FLG: variants seen among roughly 807,000 people sequenced by gnomAD.
FLG encodes filaggrin.
Under a neutral mutation model 3.8 loss-of-function variants are expected in FLG, and 6 were observed. The ratio of observed to expected loss-of-function variants is 1.60; its 90% CI spans 0.87 to 3.15. FLG has a LOEUF of 3.15. FLG is among the 30% of genes most tolerant of loss of function. The pLI is 0.00. For synonymous variants in FLG, 2,551 were observed against 1,931.6 expected, an observed-to-expected ratio of 1.32 and a Z score of -8.41; for missense variants, 7,595 against 5,050.9, an observed-to-expected ratio of 1.50 and a Z score of -15.27.
chr1:152,322,230 G>C (rs1653002256), intron 1 of FLG, among the ~76,000 whole-genome samples: 1 of 151,020 alleles, frequency 6.6e-6, no homozygotes, highest in Non-Finnish European at 1.5e-5. Flanking sequence ...ACTATGTATA[G>C]TATCATCCTA....
In FLG at chr1:152,314,503, A is replaced by G; in HGVS notation, c.383T>C (p.Leu128Pro). Residue 128 changes from leucine to proline, a missense_variant, in exon 3 of 3, where the codon CTG (leucine) becomes CCG (proline). Transcript: ENST00000368799. ...CCCTTTTCTATTGTTTCTTCTTTCC[A>G]GACTTGAGGGTCTTTTTCTGTTTTC... ...NKENRKRPSSLERRNNRKGNK... is the reference protein window; with the variant it reads ...NKENRKRPSSPERRNNRKGNK... The G allele has an allele frequency of 6.2e-7, 1 of 1,611,668 alleles. No individual in the cohort carries two copies. Among genetic ancestry groups the G allele is most frequent in the Middle Eastern group, 1.7e-4 (1 of 6,052 alleles).
rs1168309689 is a variant in FLG, at chr1:152,309,097, T to A, written c.5789A>T (p.Asp1930Val). 1 of 1,613,794 alleles carries A rather than the reference T, an allele frequency of 6.2e-7. No individual in the cohort carries two copies. The highest frequency in any genetic ancestry group is 8.5e-7 in the Non-Finnish European group (1 of 1,179,932). The change falls in exon 3 of 3, where the codon GAC becomes GTC. Residue 1930 changes from aspartate to valine, a missense_variant. Coordinates refer to ENST00000368799, the MANE Select transcript of FLG (RefSeq NM_002016.2). ...QDSDSQGHSE[D>V]SERWSGSASR... The stretch of plus-strand genomic sequence containing the variant: ...AGCAGACCCAGACCACCTCTCAGAG[T>A]CTTCTGAGTGTCCCTGACTGTCACT...
Position 152,313,930 on chromosome 1 carries a change from C to T in FLG, c.956G>A (p.Arg319Lys). 2 of 1,614,156 alleles carry T rather than the reference C, an allele frequency of 1.2e-6. No individual in the cohort carries two copies. Among genetic ancestry groups the T allele is most frequent in the South Asian group, 1.1e-5 (1 of 91,080 alleles). Reference sequence around the variant, plus strand: ...CTCCCACGCAGATCCATGATGGTTTCTGGAAGCCGACCCAGAGTGCCTCTC... The same window carrying T: ...CTCCCACGCAGATCCATGATGGTTTTTGGAAGCCGACCCAGAGTGCCTCTC... ...DSERHSGSAS[R>K]NHHGSAWEQS... The change falls in exon 3 of 3, where the codon AGA (arginine) becomes AAA (lysine). Residue 319 changes from arginine (R) to lysine (K), a missense_variant. Physicochemically the swap from Arg to Lys is conservative, Grantham distance 26. Coordinates refer to ENST00000368799, the MANE Select transcript of FLG (RefSeq NM_002016.2).
rs1652387927 is a variant in FLG, at chr1:152,311,135, G to A, written c.3751C>T (p.Gln1251Ter). 2.5e-6 allele frequency: 4 copies of A among 1,613,918 alleles called. No individual in the cohort carries two copies. Among genetic ancestry groups the A allele is most frequent in the East Asian group, 2.2e-5 (1 of 44,816 alleles). Residue 1251 changes from glutamine to a stop codon, truncating the protein, a stop_gained, in exon 3 of 3, where the codon CAG becomes TAG. Coordinates refer to ENST00000368799, the MANE Select transcript of FLG (RefSeq NM_002016.2). LOFTEE classifies it low-confidence loss of function (END_TRUNC). ...CCCGATGATTGTTCCTGTCCCACCTGTGAGTGTCTAGAGCTGTCAGCCCAA... is the reference window on the plus strand; with the variant it reads ...CCCGATGATTGTTCCTGTCCCACCTATGAGTGTCTAGAGCTGTCAGCCCAA... ...ASWADSSRHS[Q>*]VGQEQSSGSR...
rs753041653 is a variant in FLG, at chr1:152,311,568, C to G, written c.3318G>C (p.Trp1106Cys). Residue 1106 changes from tryptophan (W) to cysteine (C), a missense_variant, in exon 3 of 3, where the codon TGG becomes TGC. Trp to Cys is a radical substitution (Grantham distance 215). Transcript: ENST00000368799. ...CTGAACGTCCAGACCTTCCCCCTGA[C>G]CAGTCACGTGCGGACTCTTGGTGGC... Reference protein sequence around the residue: ...QQSHQESARDWSGGRSGRSGS... With the variant: ...QQSHQESARDCSGGRSGRSGS... 7.4e-6 allele frequency: 12 copies of G among 1,614,056 alleles called. No individual in the cohort carries two copies. The highest frequency in any genetic ancestry group is 1.0e-5 in the Non-Finnish European group (12 of 1,180,010).
chr1:152,307,846 C>T lies in FLG; in HGVS notation c.7040G>A (p.Gly2347Glu), dbSNP rs1042544641. Residue 2347 changes from glycine to glutamate, a missense_variant, in exon 3 of 3, where the codon GGG becomes GAG. Coordinates refer to ENST00000368799, the MANE Select transcript of FLG (RefSeq NM_002016.2). ...GACTGCAGATGAAGCTTGTCCGTGC[C>T]CAATGCCTGAGTGTCTGGAGCTGTC... ...SADSSRHSGI[G>E]HGQASSAVRD... The T allele has an allele frequency of 1.2e-6, 2 of 1,612,876 alleles. No individual in the cohort carries two copies.
In FLG at chr1:152,309,263, C is replaced by T; in HGVS notation, c.5623G>A (p.Gly1875Arg). 3 of 1,613,558 alleles carry T rather than the reference C, an allele frequency of 1.9e-6. No individual in the cohort carries two copies. The highest frequency in any genetic ancestry group is 2.2e-5 in the South Asian group (2 of 91,038). Residue 1875 changes from glycine to arginine, a missense_variant, in exon 3 of 3, where the codon GGA (glycine) becomes AGA (arginine). Transcript: ENST00000368799. ...SRQTRNEKQSGDGSRHSGSRH... is the reference protein window; with the variant it reads ...SRQTRNEKQSRDGSRHSGSRH... ...GACCCTGAGTGCCTGGAGCCGTCTC[C>T]TGATTGTTTCTCATTACGTGTTTGT...
At chr1:152,324,338 C>T (rs1001372177) in intron 1 of FLG, among the ~76,000 whole-genome samples, 12 of 151,886 alleles carry the variant, frequency 7.9e-5, no homozygotes, top group Admixed American at 1.3e-4. Context: ...ACATGAGCTA[C>T]GCTGTCTAGC....
rs1439000720 is a variant in FLG at position 152,308,232 on chromosome 1, G to C, written c.6654C>G (p.Asp2218Glu). The change falls in exon 3 of 3, where the codon GAC becomes GAG. Residue 2218 changes from aspartate (D) to glutamate (E), a missense_variant. Coordinates refer to ENST00000368799, the MANE Select transcript of FLG (RefSeq NM_002016.2). Reference sequence around the variant, plus strand: ...GGCCCACCAGTGAGTGTCTAGAGCTGTCGGCCCAAGAGGAAGCTTCATGAT... The same window carrying C: ...GGCCCACCAGTGAGTGTCTAGAGCTCTCGGCCCAAGAGGAAGCTTCATGAT... ...SHHHEASSWA[D>E]SSRHSLVGQG... 3 of 1,614,016 alleles carry C rather than the reference G, an allele frequency of 1.9e-6. No individual in the cohort carries two copies. Among genetic ancestry groups the C allele is most frequent in the East Asian group, 4.5e-5 (2 of 44,860 alleles).
In FLG at chr1:152,313,790, G is replaced by C. The variant is rs371936330; in HGVS notation, c.1096C>G (p.Arg366Gly). Residue 366 changes from arginine (R) to glycine (G), a missense_variant, in exon 3 of 3, where the codon CGT (arginine) becomes GGT (glycine). Transcript: ENST00000368799. ...TCATGGGATGATGCAGTCTGTCCACGAGAGGAAGTCTCTGCGTGACGAGTG... is the reference window on the plus strand; with the variant it reads ...TCATGGGATGATGCAGTCTGTCCACCAGAGGAAGTCTCTGCGTGACGAGTG... The part of the protein sequence containing the change: ...SGTRHAETSS[R>G]GQTASSHEQA... 2.2e-5 allele frequency: 35 copies of C among 1,613,924 alleles called. No homozygotes were observed. The highest frequency in any genetic ancestry group is 2.0e-4 in the East Asian group (9 of 44,882).
At position 152,313,848 on chromosome 1, in the gene FLG, A is replaced by C. The variant is rs938793064; in HGVS notation, c.1038T>G (p.His346Gln). ...GTCTGGAGCTGTCTGCAGAGTGCCCATGACTGGCTCTGTCTTCATCATGGG... is the reference window on the plus strand; with the variant it reads ...GTCTGGAGCTGTCTGCAGAGTGCCCCTGACTGGCTCTGTCTTCATCATGGG... ...PRSHDEDRAS[H>Q]GHSADSSRQS... is the part of the protein sequence containing the mutation. Residue 346 changes from histidine to glutamine, a missense_variant, in exon 3 of 3, where the codon CAT becomes CAG. His to Gln is a conservative substitution (Grantham distance 24). Coordinates refer to ENST00000368799, the MANE Select transcript of FLG (RefSeq NM_002016.2). 3 of 1,613,978 alleles carry C rather than the reference A, an allele frequency of 1.9e-6. No individual in the cohort carries two copies. The highest frequency in any genetic ancestry group is 1.7e-5 in the Admixed American group (1 of 59,998).
chr1:152,312,714 G>T lies in FLG; in HGVS notation c.2172C>A (p.Gly724=), dbSNP rs756276659. The change falls in exon 3 of 3, where the codon GGC becomes GGA. Residue 724 remains glycine, a synonymous_variant. Transcript: ENST00000368799. ...CAGATGAAGCTTGTCCGTGCCCAGT[G>T]CCTGAGTGTCTGGAGCTGTCTGCTG... ...LQSADSSRHS[G]TGHGQASSAV... 4 of 1,613,970 alleles carry T rather than the reference G, an allele frequency of 2.5e-6. No homozygotes were observed. The highest frequency in any genetic ancestry group is 3.4e-6 in the Non-Finnish European group (4 of 1,180,000).
In FLG at chr1:152,307,648, G is replaced by A. The variant is rs1481781775; in HGVS notation, c.7238C>T (p.Ser2413Phe). ...RSAGRSGRSG[S>F]FLYQVSTHEQ... ...ATGAGTGCTCACCTGGTAGAGGAAA[G>A]ACCCTGAACGTCCAGACCTTCCTGC... Residue 2413 changes from serine (S) to phenylalanine (F), a missense_variant, in exon 3 of 3, where the codon TCT becomes TTT. Physicochemically the swap from Ser to Phe is radical, Grantham distance 155. Transcript: ENST00000368799. 4 of 1,613,542 alleles carry A rather than the reference G, an allele frequency of 2.5e-6. No homozygotes were observed. Among genetic ancestry groups the A allele is most frequent in the Non-Finnish European group, 3.4e-6 (4 of 1,179,868 alleles).
At chr1:152,314,870 T>A in intron 2 of FLG, 123 bp from the exon 3 acceptor site, 1 of 1,309,098 alleles carries the variant, frequency 7.6e-7, no homozygotes. Flanking sequence ...AAAATCTTTT[T>A]TTTTTTTAAG....
Position 152,314,433 on chromosome 1 carries a change from C to T in FLG, c.453G>A (p.Arg151=), listed in dbSNP as rs752898455. The T allele has an allele frequency of 5.0e-6, 8 of 1,613,228 alleles. No homozygotes were observed. The Admixed American group carries it at 1.0e-4, about 20-fold the overall frequency. ...SKSPRETGGK[R]HESSSEKKER... ...CTTTTTTTTCAGAACTAGATTCATG[C>T]CTTTTCCCCCCTGTTTCTCTTGGGC... Residue 151 remains arginine, a synonymous_variant, in exon 3 of 3, where the codon AGG becomes AGA. Coordinates refer to ENST00000368799, the MANE Select transcript of FLG (RefSeq NM_002016.2).
rs374988997 is a variant in FLG at position 152,308,689 on chromosome 1, C to A, written c.6197G>T (p.Gly2066Val). Residue 2066 changes from glycine (G) to valine (V), a missense_variant, in exon 3 of 3, where the codon GGG becomes GTG. Coordinates refer to ENST00000368799, the MANE Select transcript of FLG (RefSeq NM_002016.2). ...TQSVSAQGKA[G>V]PHQQSHKESA... The stretch of plus-strand genomic sequence containing the variant: ...CTCTTTGTGGCTCTGCTGATGGGGC[C>A]CAGCTTTTCCCTGTGCTGACACTGA... 8.7e-6 allele frequency: 14 copies of A among 1,613,976 alleles called. No individual in the cohort carries two copies. Among genetic ancestry groups the A allele is most frequent in the Non-Finnish European group, 1.2e-5 (14 of 1,180,008 alleles).
In FLG at chr1:152,313,352, C is replaced by A. The variant is rs778678706; in HGVS notation, c.1534G>T (p.Gly512Cys). Residue 512 changes from glycine (G) to cysteine (C), a missense_variant, in exon 3 of 3, where the codon GGT (glycine) becomes TGT (cysteine). Transcript: ENST00000368799. ...GGGTGTCCACGAATGGTGTCCTGACCCTCTTGGGACGCTGAATGCCTGGAG... is the reference window on the plus strand; with the variant it reads ...GGGTGTCCACGAATGGTGTCCTGACACTCTTGGGACGCTGAATGCCTGGAG... ...DSSRHSASQE[G>C]QDTIRGHPGS... The A allele has an allele frequency of 1.9e-5, 31 of 1,612,984 alleles. No individual in the cohort carries two copies. Among genetic ancestry groups the A allele is most frequent in the Non-Finnish European group, 2.5e-5 (30 of 1,179,790 alleles).
chr1:152,303,639 T>C lies in FLG; in HGVS notation c.11247A>G (p.Ser3749=). The C allele has an allele frequency of 6.2e-7, 1 of 1,613,990 alleles. No homozygotes were observed. The highest frequency in any genetic ancestry group is 8.5e-7 in the Non-Finnish European group (1 of 1,179,960). The change falls in exon 3 of 3, where the codon TCA becomes TCG. Residue 3749 remains serine, a synonymous_variant. Coordinates refer to ENST00000368799, the MANE Select transcript of FLG (RefSeq NM_002016.2). ...HEQARDSSRH[S]ASQEGQDTIR... ...TGGTGTCCTGACCCTCTTGGGACGC[T>C]GAGTGCCTGGAGCTGTCTCGTGCCT... is the stretch of plus-strand genomic sequence containing the variant.
intron 1 of FLG, among the ~76,000 whole-genome samples, chr1:152,317,113 C>T (rs1045123938): frequency 3.9e-5 from 6 of 152,110 alleles, no homozygotes; most frequent in Non-Finnish European, 8.8e-5. Context: ...TCTCTCTTGC[C>T]TACCCAAACA....
Sources: gnomAD v4.1 joint callset for allele counts (sites outside exome capture counted in the v4.1 genomes callset) on GRCh38, gnomAD v4.1.1 for gene constraint, MANE v1.5 for transcripts, NCBI Gene and HGNC (gene_info 2026-07-23, HGNC 2026-07-21) for gene names.